Variants in RAD50 observed in about 807,000 individuals in gnomAD.
RAD50 encodes DNA repair protein RAD50.
RAD50 carries 132 observed loss-of-function variants against 168.8 expected under a neutral mutation model. The observed-to-expected ratio is 0.78, with a 90% CI of 0.68 to 0.90. The LOEUF (loss-of-function observed/expected upper bound fraction) is 0.90, where lower values mean the gene tolerates loss of function less well. RAD50 is among the 40% of genes least tolerant of loss of function. RAD50 has a pLI of 0.00. For missense variants in RAD50, 1,347 were observed against 1,534.4 expected, an observed-to-expected ratio of 0.88 and a Z score of 2.04; for synonymous variants, 525 against 497.4, an observed-to-expected ratio of 1.06 and a Z score of -0.74.
chr5:132,582,729 G>T (rs1750524351), intron 5 of RAD50, among the ~76,000 whole-genome samples: 1 of 151,530 alleles, frequency 6.6e-6, no homozygotes, highest in African/African-American at 2.4e-5. Context: ...ATACTTGATA[G>T]CCCAGCTGCT....
rs115676356 is a variant in RAD50, at chr5:132,592,987, G to A, written c.1793+953G>A. The A allele has an allele frequency of 1.8e-3, 746 of 414,326 alleles. 2 individuals are homozygous for A. The highest frequency in any genetic ancestry group is 0.013 in the African/African-American group (647 of 48,690). The allele number at this position is 414,326 out of a possible 1,614,324, so 25.7% of individuals were successfully genotyped here. A position where few individuals can be genotyped will look rare whatever the true frequency, so the allele number is the denominator to read the frequency against. On this transcript the variant is annotated intron_variant, in intron 11 of 24. Transcript: ENST00000378823. ...TGAGGTGTCTATGGTGTTGGCTATTGTTTCTGCTGTTAATCATTGATCTTC... is the reference window on the plus strand; with the variant it reads ...TGAGGTGTCTATGGTGTTGGCTATTATTTCTGCTGTTAATCATTGATCTTC...
chr5:132,581,002 C>T (rs889842245), intron 5 of RAD50, among the ~76,000 whole-genome samples: 1 of 151,960 alleles, frequency 6.6e-6, no homozygotes, highest in Non-Finnish European at 1.5e-5. Context: ...AAATATATTG[C>T]AAGGGCTTCT....
At chr5:132,560,410 T>G (rs949437472) in intron 2 of RAD50, among the ~76,000 whole-genome samples, 15 of 152,340 alleles carry the variant, frequency 9.8e-5, no homozygotes, top group African/African-American at 3.4e-4. Flanking sequence ...TTATGAATTT[T>G]CCTCTTAGAA....
chr5:132,619,135 A>G (rs1487423002), intron 21 of RAD50, among the ~76,000 whole-genome samples: 1 of 152,164 alleles, frequency 6.6e-6, no homozygotes, highest in Non-Finnish European at 1.5e-5. Flanking sequence ...TCATTCTCCT[A>G]CAGATGGACA....
At chr5:132,642,051 T>G (rs1751733308) in intron 24 of RAD50, 127 bp from the exon 25 acceptor site, 1 of 1,021,970 alleles carries the variant, frequency 9.8e-7, no homozygotes, top group Admixed American at 2.0e-5. Context: ...CTCCACTTCC[T>G]GCAGGGTAGC....
At chr5:132,603,615 T>A in intron 14 of RAD50, 126 bp downstream of exon 14, 1 of 1,091,346 alleles carries the variant, frequency 9.2e-7, no homozygotes, top group Non-Finnish European at 1.4e-6. Context: ...CCATCCTGAA[T>A]TTCAGATACC....
Position 132,591,550 on chromosome 5 carries a change from A to G in RAD50, c.1635+144A>G, listed in dbSNP as rs571983719. On this transcript the variant is annotated intron_variant, in intron 10 of 24. Transcript: ENST00000378823. ...GTGAGCTTAGTACTCTATATAATAGACTTTCAAGCTTAAAAGTTATTGTTT... is the reference window on the plus strand; with the variant it reads ...GTGAGCTTAGTACTCTATATAATAGGCTTTCAAGCTTAAAAGTTATTGTTT... The G allele has an allele frequency of 1.4e-5, 11 of 807,550 alleles. No homozygotes were observed. The African/African-American group carries it at 1.6e-4, about 12-fold the overall frequency. 50.0% of individuals were successfully genotyped at this position (807,550 alleles called of 1,614,324 possible).
chr5:132,581,285 A>G lies in RAD50; in HGVS notation c.756+1219A>G, dbSNP rs572088419. 1.7e-3 allele frequency among the ~76,000 whole-genome samples: 264 copies of G among 151,848 alleles called. 1 individual carries two copies. The highest frequency in any genetic ancestry group is 6.1e-3 in the African/African-American group (254 of 41,348). The stretch of plus-strand genomic sequence containing the variant: ...CGGCTAAATAAAAAAAAAAAATAGA[A>G]TTTTTTGTATTTTTAGTAGAGACGG... On this transcript the variant is annotated intron_variant, in intron 5 of 24. Transcript: ENST00000378823.
At chr5:132,578,435 C>G (rs1049919957) in intron 3 of RAD50, among the ~76,000 whole-genome samples, 1 of 152,026 alleles carries the variant, frequency 6.6e-6, no homozygotes, top group Non-Finnish European at 1.5e-5. Flanking sequence ...TTTCCATGAC[C>G]TCATGTGATA....
intron 5 of RAD50, among the ~76,000 whole-genome samples, chr5:132,580,558 A>G (rs1185911572): frequency 1.3e-5 from 2 of 152,254 alleles, no homozygotes; most frequent in African/African-American, 4.8e-5. Context: ...ACATCTTTCT[A>G]GAGAATTTTT....
At chr5:132,629,505 G>T (rs182700856) in intron 21 of RAD50, among the ~76,000 whole-genome samples, 24 of 152,242 alleles carry the variant, frequency 1.6e-4, no homozygotes, top group Admixed American at 1.6e-3. Context: ...ACAAAGCCAG[G>T]CTGTTTACTG....
At chr5:132,605,956 A>G (rs1750977962) in intron 16 of RAD50, among the ~76,000 whole-genome samples, 1 of 152,254 alleles carries the variant, frequency 6.6e-6, no homozygotes, top group South Asian at 2.1e-4. Flanking sequence ...AATGTACCAG[A>G]ATCTCTGAGA....
chr5:132,572,455 G>C (rs1340477640), intron 2 of RAD50, among the ~76,000 whole-genome samples: 1 of 152,118 alleles, frequency 6.6e-6, no homozygotes, highest in East Asian at 1.9e-4. Context: ...AGGAATAACA[G>C]TGTTTTTATA....
At chr5:132,575,982 G>A (rs2149836512) in intron 3 of RAD50, 54 bp downstream of exon 3, 2 of 1,485,292 alleles carry the variant, frequency 1.3e-6, no homozygotes, top group Non-Finnish European at 1.8e-6. Flanking sequence ...TTTTAGGTCT[G>A]TAAGTTGATG....
chr5:132,579,852 A>G lies in RAD50; in HGVS notation c.552-10A>G, dbSNP rs1229545218. On this transcript the variant is annotated splice_polypyrimidine_tract_variant and intron_variant, in intron 4 of 24. Coordinates refer to ENST00000378823, the MANE Select transcript of RAD50 (RefSeq NM_005732.4). ...GCCAGAAATTTGATTTTTGTTTCAT[A>G]TCTTCAAAGATACATTAAAGCCTTA... is the stretch of plus-strand genomic sequence containing the variant. 3.1e-6 allele frequency: 5 copies of G among 1,601,974 alleles called. No homozygotes were observed. Among genetic ancestry groups the G allele is most frequent in the Admixed American group, 1.7e-5 (1 of 59,938 alleles).
chr5:132,579,734 AG>A, intron 4 of RAD50, 127 bp from the exon 5 acceptor site: 1 of 923,678 alleles, frequency 1.1e-6, no homozygotes. Flanking sequence ...ATTATGTCAT[AG>A]GCATTTTACA....
chr5:132,603,943 A>G lies in RAD50; in HGVS notation c.2421A>G (p.Arg807=). 6.2e-7 allele frequency: 1 copy of G among 1,608,648 alleles called. No homozygotes were observed. Among genetic ancestry groups the G allele is most frequent in the Non-Finnish European group, 8.5e-7 (1 of 1,175,152 alleles). The change falls in exon 15 of 25, where the codon AGA becomes AGG. Residue 807 remains arginine, a synonymous_variant. Coordinates refer to ENST00000378823, the MANE Select transcript of RAD50 (RefSeq NM_005732.4). The part of the protein sequence containing the change: ...RFQMELKDVE[R]KIAQQAAKLQ... ...AGATGGAACTTAAAGATGTTGAAAG[A>G]AAAATTGCACAACAAGCAGCTAAGC...
intron 21 of RAD50, among the ~76,000 whole-genome samples, chr5:132,620,148 A>G (rs976263035): frequency 3.3e-5 from 5 of 151,834 alleles, no homozygotes; most frequent in Non-Finnish European, 4.4e-5. Context: ...CTCGTGATCC[A>G]CCTGTATTGG....
intron 2 of RAD50, among the ~76,000 whole-genome samples, chr5:132,565,005 T>C (rs921043497): frequency 6.6e-6 from 1 of 152,192 alleles, no homozygotes; most frequent in Non-Finnish European, 1.5e-5. Context: ...GCAGGACTTG[T>C]TGCAGGAGGG....
Sources: allele counts gnomAD v4.1 joint callset (sites outside exome capture counted in the v4.1 genomes callset), GRCh38; gene constraint gnomAD v4.1.1; transcripts MANE v1.5; gene names NCBI Gene and HGNC (gene_info 2026-07-23, HGNC 2026-07-21).